Variants in MSH4 observed in about 807,000 individuals in gnomAD.
MSH4 encodes mutS homolog 4, also known as mutS protein homolog 4.
In MSH4, 106 loss-of-function variants were observed where a neutral mutation model predicts 113.7. The observed-to-expected ratio is 0.93, with a 90% confidence interval of 0.80 to 1.10. The LOEUF is 1.10. Ranked by LOEUF, MSH4 falls within the 50% of genes least tolerant of loss-of-function variation. The probability of loss-of-function intolerance (pLI) is 0.00; values close to 1 mark genes in which losing one functional copy is unlikely to be tolerated. For synonymous variants in MSH4, 368 were observed against 380.2 expected (o/e 0.97, Z 0.37); for missense variants, 1,061 against 1,093.7 (o/e 0.97, Z 0.42).
intron 17 of MSH4, among the ~76,000 whole-genome samples, chr1:75,895,475 G>T (rs571055471): frequency 5.9e-5 from 9 of 152,214 alleles, no homozygotes; most frequent in African/African-American, 2.2e-4. Flanking sequence ...AGAATAGGTA[G>T]TAAAAGGAAA....
At chr1:75,808,201 G>A (rs1157299974) in intron 3 of MSH4, among the ~76,000 whole-genome samples, 1 of 152,090 alleles carries the variant, frequency 6.6e-6, no homozygotes, top group Admixed American at 6.5e-5. Context: ...TGTCCCTGGT[G>A]GTATTTCAGA....
chr1:75,816,462 G>T lies in MSH4; in HGVS notation c.905G>T (p.Cys302Phe). ...SVYAPKSLKICFQGSEQTAMI... is the reference protein window; with the variant it reads ...SVYAPKSLKIFFQGSEQTAMI... ...TATGCACCAAAATCACTGAAGATTT[G>T]TTTCCAGGGTAGTGAACAGACAGCC... is the stretch of plus-strand genomic sequence containing the variant. Residue 302 changes from cysteine to phenylalanine, a missense_variant, in exon 6 of 20, where the codon TGT becomes TTT. Transcript: ENST00000263187. The T allele has an allele frequency of 1.2e-6, 2 of 1,610,914 alleles. No individual in the cohort carries two copies. The highest frequency in any genetic ancestry group is 1.7e-6 in the Non-Finnish European group (2 of 1,178,106).
At chr1:75,903,477 G>A (rs1055810532) in intron 19 of MSH4, among the ~76,000 whole-genome samples, 15 of 151,970 alleles carry the variant, frequency 9.9e-5, no homozygotes, top group Admixed American at 3.9e-4. Context: ...TTCTAGGTTT[G>A]TTCTTTTTGT....
At chr1:75,884,064 A>G (rs1651993858) in intron 15 of MSH4, among the ~76,000 whole-genome samples, 1 of 152,184 alleles carries the variant, frequency 6.6e-6, no homozygotes, top group African/African-American at 2.4e-5. Flanking sequence ...AGAATTGGGA[A>G]CATTCTTACT....
At chr1:75,910,562 C>T (rs544161110) in intron 19 of MSH4, among the ~76,000 whole-genome samples, 49 of 152,020 alleles carry the variant, frequency 3.2e-4, no homozygotes, top group Non-Finnish European at 6.2e-4. Flanking sequence ...CATGAACCAC[C>T]GCACCCAGCC....
intron 7 of MSH4, among the ~76,000 whole-genome samples, chr1:75,829,346 T>G (rs1161994609): frequency 6.6e-6 from 1 of 152,172 alleles, no homozygotes; most frequent in African/African-American, 2.4e-5. Context: ...CTCTGTAGAC[T>G]CCACCTCTAG....
At position 75,881,454 on chromosome 1, in the gene MSH4, T is replaced by C. The variant is rs182432150; in HGVS notation, c.1906+84T>C. 20 of 1,401,190 alleles carry C rather than the reference T, an allele frequency of 1.4e-5. No homozygotes were observed. In the Admixed American group the frequency reaches 3.3e-4, roughly 23 times the overall value. 86.8% of individuals were successfully genotyped at this position (1,401,190 alleles called of 1,614,324 possible). On this transcript the variant is annotated intron_variant, in intron 14 of 19. Transcript: ENST00000263187. ...CAATTTGATATAATAGTTATGACAT[T>C]TAAAATTTTTAACTTGAAATAGAGT...
chr1:75,814,061 G>A (rs5745367), intron 4 of MSH4, among the ~76,000 whole-genome samples: 285 of 152,038 alleles, frequency 1.9e-3, no homozygotes, highest in African/African-American at 6.2e-3. Context: ...TCTTAACAGC[G>A]CTTACATAGT....
intron 14 of MSH4, among the ~76,000 whole-genome samples, chr1:75,883,097 C>T (rs1651971272): frequency 6.6e-6 from 1 of 151,766 alleles, no homozygotes; most frequent in Admixed American, 6.6e-5. Flanking sequence ...CTTCACCTCC[C>T]AGGCTCAAGA....
chr1:75,829,988 T>C (rs1466637216), intron 7 of MSH4, among the ~76,000 whole-genome samples: 1 of 152,056 alleles, frequency 6.6e-6, no homozygotes, highest in Non-Finnish European at 1.5e-5. Flanking sequence ...AGCAGACTTC[T>C]CCAAGCTAAA....
intron 7 of MSH4, among the ~76,000 whole-genome samples, chr1:75,840,666 A>G (rs953745364): frequency 2.8e-5 from 4 of 144,824 alleles, no homozygotes; most frequent in African/African-American, 9.7e-5. Flanking sequence ...CTTAAAGTAT[A>G]ATAATAATAA....
chr1:75,866,836 A>G (rs970275136), intron 8 of MSH4, among the ~76,000 whole-genome samples: 2 of 151,970 alleles, frequency 1.3e-5, no homozygotes, highest in Non-Finnish European at 2.9e-5. Flanking sequence ...AAAAAGAAAC[A>G]TCTTCATATC....
intron 7 of MSH4, among the ~76,000 whole-genome samples, chr1:75,828,851 G>A (rs1438100463): frequency 6.6e-6 from 1 of 152,116 alleles, no homozygotes; most frequent in Admixed American, 6.5e-5. Flanking sequence ...TGGCCAAATA[G>A]GAACAGCTCC....
intron 8 of MSH4, among the ~76,000 whole-genome samples, chr1:75,851,485 C>T (rs1295754466): frequency 6.6e-6 from 1 of 152,098 alleles, no homozygotes; most frequent in Admixed American, 6.6e-5. Context: ...CATCTCGGCT[C>T]ACTGCCACCT....
chr1:75,856,528 A>T (rs1334158496), intron 8 of MSH4, among the ~76,000 whole-genome samples: 1 of 152,190 alleles, frequency 6.6e-6, no homozygotes, highest in Non-Finnish European at 1.5e-5. Flanking sequence ...ATGAGTGAGA[A>T]CATGCGGTGT....
rs3037163 is a variant in MSH4 at position 75,912,674 on chromosome 1, A to ATT, written c.2620-11_2620-10dup. The ATT allele has an allele frequency of 2.0e-4, 136 of 684,022 alleles. 1 individual carries two copies. The African/African-American group carries it at 2.6e-3, about 13-fold the overall frequency. 42.4% of individuals were successfully genotyped at this position (684,022 alleles called of 1,614,324 possible). On this transcript the variant is annotated intron_variant, in intron 19 of 19. Transcript: ENST00000263187. The stretch of plus-strand genomic sequence containing the variant: ...ATGGTATTTGTGTATATATATATAT[A>ATT]TTTTTTTTTTTTCAATGACAGCAAA...
intron 9 of MSH4, among the ~76,000 whole-genome samples, chr1:75,876,137 A>G (rs1306485990): frequency 6.6e-6 from 1 of 152,176 alleles, no homozygotes; most frequent in African/African-American, 2.4e-5. Flanking sequence ...AAAAAAATCC[A>G]GAATCTGGAA....
At chr1:75,852,502 T>C (rs1651211279) in intron 8 of MSH4, among the ~76,000 whole-genome samples, 1 of 152,186 alleles carries the variant, frequency 6.6e-6, no homozygotes, top group African/African-American at 2.4e-5. Flanking sequence ...CCACCAGCAG[T>C]GTTTGAGGGT....
intron 17 of MSH4, among the ~76,000 whole-genome samples, chr1:75,894,663 T>C (rs1652332800): frequency 6.6e-6 from 1 of 152,210 alleles, no homozygotes; most frequent in African/African-American, 2.4e-5. Flanking sequence ...TATCTGCCAT[T>C]ATGGTATTCC....
Sources: allele counts gnomAD v4.1 joint callset (sites outside exome capture counted in the v4.1 genomes callset), GRCh38; gene constraint gnomAD v4.1.1; transcripts MANE v1.5; gene names NCBI Gene and HGNC (gene_info 2026-07-23, HGNC 2026-07-21).